The following CAST variants were observed in gnomAD, a reference collection of about 807,000 sequenced individuals.
CAST encodes MIR583 host.
CAST carries 76 observed loss-of-function variants against 119.6 expected under a neutral mutation model. The ratio of observed to expected loss-of-function variants is 0.64; its 90% CI spans 0.53 to 0.77. The LOEUF (loss-of-function observed/expected upper bound fraction) is 0.77, where lower values mean the gene tolerates loss of function less well. Ranked by LOEUF, CAST falls within the 30% of genes least tolerant of loss-of-function variation. The pLI, the probability that CAST is intolerant of heterozygous loss-of-function variation, is 0.00. For missense variants in CAST, 953 were observed against 946.5 expected (o/e 1.01, Z -0.09); for synonymous variants, 319 against 331.6 (o/e 0.96, Z 0.41).
At chr5:96,518,112 A>C in the CAST span, among the ~76,000 whole-genome samples, 2 of 152,018 alleles carry the variant, frequency 1.3e-5, no homozygotes, top group African/African-American at 4.8e-5. Flanking sequence ...TGATGAGAAG[A>C]TGAAGTCTTT....
intron 25 of CAST, chr5:96,762,715 C>A: frequency 3.7e-6 from 1 of 269,722 alleles, no homozygotes; most frequent in Non-Finnish European, 6.9e-6. Flanking sequence ...TGATTTTCTC[C>A]TTTATATTTT....
At chr5:96,093,542 G>A in the CAST span, among the ~76,000 whole-genome samples, 3 of 152,214 alleles carry the variant, frequency 2.0e-5, no homozygotes, top group Non-Finnish European at 4.4e-5. Context: ...GGTGCTGTAA[G>A]ATTATGCAGG....
At chr5:96,650,727 ATTGTGT>A (rs2150204926) in intron 1 of CAST, among the ~76,000 whole-genome samples, 1 of 73,166 alleles carries the variant, frequency 1.4e-5, no homozygotes, top group East Asian at 4.8e-4. Context: ...TACCCACTTA[ATTGTGT>A]GTGTGTGTGT....
At chr5:96,448,660 G>A in the CAST span, among the ~76,000 whole-genome samples, 7 of 151,982 alleles carry the variant, frequency 4.6e-5, no homozygotes, top group African/African-American at 1.7e-4. Flanking sequence ...GTCACTTTCA[G>A]GAAGATCAAT....
At chr5:96,205,461 C>A in the CAST span, among the ~76,000 whole-genome samples, 1 of 151,988 alleles carries the variant, frequency 6.6e-6, no homozygotes, top group Non-Finnish European at 1.5e-5. Flanking sequence ...TTGATCCTCA[C>A]CCTTCTCCCA....
the CAST span, among the ~76,000 whole-genome samples, chr5:96,268,928 G>A: frequency 7.1e-3 from 1,086 of 152,248 alleles, 11 homozygotes; most frequent in African/African-American, 0.025. Context: ...TGCTGTTCTC[G>A]TGAGAGTGAG....
the CAST span, among the ~76,000 whole-genome samples, chr5:96,196,118 T>TG: frequency 1.3e-4 from 20 of 150,682 alleles, no homozygotes; most frequent in African/African-American, 4.6e-4. Context: ...GTAGATTGTC[T>TG]GAAAGGTTTT....
At chr5:96,098,344 T>G in the CAST span, among the ~76,000 whole-genome samples, 358 of 152,282 alleles carry the variant, frequency 2.4e-3, 4 homozygotes, top group South Asian at 0.016. Flanking sequence ...CATTTGTCTA[T>G]TTTTGTTTTT....
At chr5:96,105,162 A>G in the CAST span, among the ~76,000 whole-genome samples, 1 of 149,312 alleles carries the variant, frequency 6.7e-6, no homozygotes. Flanking sequence ...TTCTAGATAT[A>G]CAATCATGTC....
At chr5:96,309,882 G>A in the CAST span, among the ~76,000 whole-genome samples, 1 of 152,218 alleles carries the variant, frequency 6.6e-6, no homozygotes, top group Non-Finnish European at 1.5e-5. Flanking sequence ...GCTACAGACC[G>A]GAGCTGTTCC....
At chr5:96,645,819 A>G (rs534037354) in intron 1 of CAST, among the ~76,000 whole-genome samples, 2 of 151,790 alleles carry the variant, frequency 1.3e-5, no homozygotes, top group Admixed American at 1.3e-4. Context: ...CACAAAACAT[A>G]GAAACTTGAA....
chr5:96,103,125 T>C, the CAST span, among the ~76,000 whole-genome samples: 1 of 152,198 alleles, frequency 6.6e-6, no homozygotes, highest in African/African-American at 2.4e-5. Flanking sequence ...AATATTTTTA[T>C]TAAAATTTGG....
intron 1 of CAST, among the ~76,000 whole-genome samples, chr5:96,628,633 C>T (rs1417248645): frequency 1.3e-5 from 2 of 152,122 alleles, no homozygotes; most frequent in African/African-American, 4.8e-5. Context: ...CCTTAAGCGA[C>T]ATTCACCACT....
chr5:96,510,761 GA>G, the CAST span, among the ~76,000 whole-genome samples: 1 of 152,126 alleles, frequency 6.6e-6, no homozygotes, highest in Non-Finnish European at 1.5e-5. Flanking sequence ...TATATTTTTT[GA>G]CATGCACACT....
the CAST span, among the ~76,000 whole-genome samples, chr5:96,489,587 A>G: frequency 2.6e-5 from 4 of 152,212 alleles, no homozygotes; most frequent in Non-Finnish European, 5.9e-5. Context: ...ATCCTGGCTC[A>G]TATTGGATGT....
chr5:96,034,920 C>T, the CAST span, among the ~76,000 whole-genome samples: 9 of 151,116 alleles, frequency 6.0e-5, no homozygotes, highest in Admixed American at 5.3e-4. Flanking sequence ...TAGGTTCATC[C>T]ATGTTGTCAC....
At chr5:96,681,730 C>A (rs1287021211) in intron 2 of CAST, among the ~76,000 whole-genome samples, 1 of 84,828 alleles carries the variant, frequency 1.2e-5, no homozygotes, top group African/African-American at 4.9e-5. Context: ...GAGACTCCGT[C>A]TCAAAAAAAA....
intron 2 of CAST, among the ~76,000 whole-genome samples, chr5:96,679,023 G>A (rs993650918): frequency 3.4e-4 from 52 of 151,972 alleles, no homozygotes; most frequent in African/African-American, 1.2e-3. Context: ...TTTTTGAGAT[G>A]AGGTCTTACT....
chr5:96,654,012 GTTTTC>G (rs967885658), intron 1 of CAST, among the ~76,000 whole-genome samples: 3 of 131,296 alleles, frequency 2.3e-5, no homozygotes, highest in Non-Finnish European at 4.7e-5. Flanking sequence ...TCTCCTTATC[GTTTTC>G]TTTTCTTTTC....
Sources: gnomAD v4.1 joint callset for allele counts (sites outside exome capture counted in the v4.1 genomes callset) on GRCh38, gnomAD v4.1.1 for gene constraint, MANE v1.5 for transcripts, NCBI Gene and HGNC (gene_info 2026-07-23, HGNC 2026-07-21) for gene names.